The following ADAM32 variants were observed in gnomAD, a reference collection of about 807,000 sequenced individuals.
ADAM32 encodes the protein disintegrin and metalloproteinase domain-containing protein 32.
A neutral mutation model predicts 114.9 loss-of-function variants in ADAM32; 89 were observed. The ratio of observed to expected loss-of-function variants is 0.77; its 90% CI spans 0.65 to 0.92. The LOEUF (loss-of-function observed/expected upper bound fraction) is 0.92, where lower values mean the gene tolerates loss of function less well. Ranked by LOEUF, ADAM32 falls within the 40% of genes least tolerant of loss-of-function variation. The probability of loss-of-function intolerance (pLI) is 0.00; values close to 1 mark genes in which losing one functional copy is unlikely to be tolerated. For synonymous variants in ADAM32, 285 were observed against 307.5 expected (o/e 0.93, Z 0.77); for missense variants, 870 against 932.8 (o/e 0.93, Z 0.88).
chr8:39,215,379 G>A (rs1052222266), intron 12 of ADAM32, among the ~76,000 whole-genome samples: 2 of 151,818 alleles, frequency 1.3e-5, no homozygotes, highest in African/African-American at 4.8e-5. Context: ...TCATTGTAGA[G>A]ATCTTTCACT....
intron 20 of ADAM32, among the ~76,000 whole-genome samples, chr8:39,271,341 A>G (rs1812706423): frequency 6.6e-6 from 1 of 152,190 alleles, no homozygotes; most frequent in South Asian, 2.1e-4. Flanking sequence ...TGTAGCCATC[A>G]CAACATCAGA....
chr8:39,140,398 ATC>A (rs1803073668), intron 3 of ADAM32, among the ~76,000 whole-genome samples: 1 of 152,180 alleles, frequency 6.6e-6, no homozygotes. Context: ...CCTTTTCTGC[ATC>A]TATTGAGATC....
At chr8:39,240,115 A>C (rs754316292) in intron 16 of ADAM32, among the ~76,000 whole-genome samples, 1 of 152,248 alleles carries the variant, frequency 6.6e-6, no homozygotes, top group African/African-American at 2.4e-5. Flanking sequence ...CCCAAAATGC[A>C]GAATATGTAT....
At chr8:39,271,629 T>C (rs1295371151) in intron 20 of ADAM32, among the ~76,000 whole-genome samples, 1 of 152,036 alleles carries the variant, frequency 6.6e-6, no homozygotes. Context: ...AAAAAGATTT[T>C]ATTTTTAAAT....
Position 39,210,345 on chromosome 8 carries a change from A to G in ADAM32, c.1053-799A>G, listed in dbSNP as rs577051125. On this transcript the variant is annotated intron_variant, in intron 11 of 24. Coordinates refer to ENST00000379907, the MANE Select transcript of ADAM32 (RefSeq NM_145004.7). ...AAAACTGTCATTCCTATGCTCTTCA[A>G]TGTGTCTTTTCTTGTTGTTATGCCA... 1.2e-4 allele frequency among the ~76,000 whole-genome samples: 19 copies of G among 152,298 alleles called. No individual in the cohort carries two copies. In the East Asian group the frequency reaches 3.3e-3, roughly 26 times the overall value.
intron 24 of ADAM32, 142 bp downstream of exon 24, chr8:39,283,766 T>G: frequency 1.8e-6 from 1 of 546,186 alleles, no homozygotes. Context: ...TATCTTTCTT[T>G]TATTCTTTTT....
At chr8:39,202,281 C>G (rs759894744) in intron 11 of ADAM32, among the ~76,000 whole-genome samples, 2 of 151,896 alleles carry the variant, frequency 1.3e-5, no homozygotes, top group Non-Finnish European at 2.9e-5. Flanking sequence ...TGGGTAGGCT[C>G]TTAGTTATTG....
intron 14 of ADAM32, among the ~76,000 whole-genome samples, chr8:39,226,802 A>C (rs1809401072): frequency 6.6e-6 from 1 of 152,222 alleles, no homozygotes; most frequent in African/African-American, 2.4e-5. Flanking sequence ...AAAGACTAAT[A>C]TGTAGTATGG....
chr8:39,131,514 G>T (rs1802454481), intron 2 of ADAM32, among the ~76,000 whole-genome samples: 1 of 152,072 alleles, frequency 6.6e-6, no homozygotes, highest in Admixed American at 6.5e-5. Flanking sequence ...ATTTTTTTGT[G>T]CTTGTTGATT....
Position 39,233,953 on chromosome 8 carries a change from T to G in ADAM32, c.1689T>G (p.His563Gln). 6.3e-7 allele frequency: 1 copy of G among 1,592,484 alleles called. No homozygotes were observed. Among genetic ancestry groups the G allele is most frequent in the East Asian group, 2.3e-5 (1 of 43,914 alleles). The change falls in exon 16 of 25, where the codon CAT becomes CAG. Residue 563 changes from histidine (H) to glutamine (Q), a missense_variant. Transcript: ENST00000379907. ...VCTYPTRKPF[H>Q]QENGDVIYAF... ...CCTACCCTACTCGAAAGCCTTTCCA[T>G]CAAGAAAATGGTGATGTGATTTATG...
chr8:39,108,937 A>G (rs1441303655), intron 1 of ADAM32, among the ~76,000 whole-genome samples: 1 of 152,170 alleles, frequency 6.6e-6, no homozygotes, highest in Non-Finnish European at 1.5e-5. Flanking sequence ...GTCTCATCTT[A>G]TAAGGGCATG....
chr8:39,254,633 A>G (rs1485828620), intron 18 of ADAM32, 117 bp downstream of exon 18: 3 of 712,386 alleles, frequency 4.2e-6, no homozygotes, highest in Non-Finnish European at 4.3e-6. Context: ...ATAAAAAGGT[A>G]ATCAGAATTC....
At chr8:39,202,068 G>C (rs547292891) in intron 11 of ADAM32, among the ~76,000 whole-genome samples, 3 of 152,174 alleles carry the variant, frequency 2.0e-5, no homozygotes, top group Admixed American at 6.5e-5. Flanking sequence ...TGTTCATCAG[G>C]GATATTGGTT....
At chr8:39,249,557 G>A (rs1206961930) in intron 17 of ADAM32, among the ~76,000 whole-genome samples, 1 of 152,130 alleles carries the variant, frequency 6.6e-6, no homozygotes, top group African/African-American at 2.4e-5. Flanking sequence ...GAAAGAGATT[G>A]TAAGAGATTA....
rs1813236308 is a variant in ADAM32, at chr8:39,278,652, T to A, written c.2280-2484T>A. ...CTACCCTCCATTATTATTATTATTA[T>A]TACTATTATTATAATCATTTTTATA... is the stretch of plus-strand genomic sequence containing the variant. On this transcript the variant is annotated intron_variant, in intron 22 of 24. Coordinates refer to ENST00000379907, the MANE Select transcript of ADAM32 (RefSeq NM_145004.7). 2.0e-5 allele frequency among the ~76,000 whole-genome samples: 3 copies of A among 151,448 alleles called. No homozygotes were observed. The South Asian group carries it at 6.2e-4, about 31-fold the overall frequency.
chr8:39,174,741 A>C (rs1470086795), intron 10 of ADAM32, among the ~76,000 whole-genome samples: 1 of 146,412 alleles, frequency 6.8e-6, no homozygotes, highest in Admixed American at 7.1e-5. Flanking sequence ...AGTTTAATGG[A>C]AATAGCATTG....
Position 39,265,879 on chromosome 8 carries a change from T to C in ADAM32, c.2163-4997T>C, listed in dbSNP as rs561097789. 2.0e-5 allele frequency among the ~76,000 whole-genome samples: 3 copies of C among 152,296 alleles called. No individual in the cohort carries two copies. The East Asian group carries it at 5.8e-4, about 29-fold the overall frequency. On this transcript the variant is annotated intron_variant, in intron 19 of 24. Coordinates refer to ENST00000379907, the MANE Select transcript of ADAM32 (RefSeq NM_145004.7). ...GTGGTGGTAGCAAATTCCCTTAGCA[T>C]TGACTTGTTTGAAAAATATTTTATT...
intron 2 of ADAM32, among the ~76,000 whole-genome samples, chr8:39,132,427 G>C (rs1802519789): frequency 6.6e-6 from 1 of 152,052 alleles, no homozygotes; most frequent in African/African-American, 2.4e-5. Flanking sequence ...TAGCAACTTT[G>C]CTCCAATATA....
chr8:39,168,630 A>G (rs911850109), intron 9 of ADAM32: 2 of 152,294 alleles, frequency 1.3e-5, no homozygotes, highest in South Asian at 4.1e-4. Flanking sequence ...GGTTTCCTGT[A>G]TAGTGTAGAA....
Sources: gnomAD v4.1 joint callset for allele counts (sites outside exome capture counted in the v4.1 genomes callset) on GRCh38, gnomAD v4.1.1 for gene constraint, MANE v1.5 for transcripts, NCBI Gene and HGNC (gene_info 2026-07-23, HGNC 2026-07-21) for gene names.